Variants in PHKB observed in about 807,000 individuals in gnomAD.
PHKB encodes the protein phosphorylase kinase regulatory subunit beta.
PHKB carries 122 observed loss-of-function variants against 152.1 expected under a neutral mutation model. The observed-to-expected ratio is 0.80, with a 90% confidence interval of 0.69 to 0.93. PHKB has a LOEUF of 0.93. PHKB is among the 40% of genes least tolerant of loss of function. The probability of loss-of-function intolerance (pLI) is 0.00; values close to 1 mark genes in which losing one functional copy is unlikely to be tolerated. For synonymous variants in PHKB, 436 were observed against 464.9 expected (o/e 0.94, Z 0.80); for missense variants, 1,304 against 1,328.4 (o/e 0.98, Z 0.29).
chr16:47,637,004 C>G (rs1425277767), intron 14 of PHKB, among the ~76,000 whole-genome samples: 1 of 152,186 alleles, frequency 6.6e-6, no homozygotes, highest in Non-Finnish European at 1.5e-5. Context: ...AACCACCAGA[C>G]TCAGCCAGAC....
Position 47,542,240 on chromosome 16 carries a change from G to A in PHKB, c.595-5193G>A, listed in dbSNP as rs187098887. On this transcript the variant is annotated intron_variant, in intron 6 of 30. Transcript: ENST00000323584. ...TGCGTATGGCTAGCCAGTTTTCCTA[G>A]TACCATTAAATAGGGAATCCTTTCC... Among the ~76,000 whole-genome samples the A allele has an allele frequency of 4.3e-3, 651 of 152,144 alleles. 3 individuals carry two copies. The highest frequency in any genetic ancestry group is 7.0e-3 in the Non-Finnish European group (475 of 67,968).
rs770144987 is a variant in PHKB at position 47,499,891 on chromosome 16, A to T, written c.302A>T (p.Tyr101Phe). The T allele has an allele frequency of 1.2e-6, 2 of 1,614,126 alleles. No homozygotes were observed. The highest frequency in any genetic ancestry group is 1.7e-6 in the Non-Finnish European group (2 of 1,180,014). ...GGGGCCTGGGCTTTGGCTCTTGCATACAGGTGAGCTGGTGTGTGTTCTCCT... is the reference window on the plus strand; with the variant it reads ...GGGGCCTGGGCTTTGGCTCTTGCATTCAGGTGAGCTGGTGTGTGTTCTCCT... ...AAGAWALALA[Y>F]RRIDDDKGRT... Residue 101 changes from tyrosine to phenylalanine, a missense_variant, in exon 3 of 31, where the codon TAC becomes TTC. By Grantham distance (22) the Tyr-to-Phe change is conservative. Transcript: ENST00000323584.
chr16:47,692,889 T>C (rs934307013), intron 27 of PHKB, among the ~76,000 whole-genome samples: 18 of 152,320 alleles, frequency 1.2e-4, no homozygotes, highest in African/African-American at 4.3e-4. Context: ...AATTTTATTC[T>C]ATATAAAATG....
At chr16:47,629,842 C>T (rs1044333303) in intron 14 of PHKB, among the ~76,000 whole-genome samples, 3 of 152,158 alleles carry the variant, frequency 2.0e-5, no homozygotes, top group Admixed American at 6.5e-5. Flanking sequence ...TACTATGCAG[C>T]CATAAAAAAT....
chr16:47,631,905 T>A (rs1972834663), intron 14 of PHKB, among the ~76,000 whole-genome samples: 1 of 152,230 alleles, frequency 6.6e-6, no homozygotes, highest in South Asian at 2.1e-4. Flanking sequence ...TGGTTGCTAT[T>A]GTGAACAGTG....
intron 26 of PHKB, chr16:47,675,820 C>T (rs1198620057): frequency 6.6e-6 from 1 of 152,246 alleles, no homozygotes; most frequent in Non-Finnish European, 1.5e-5. Context: ...CCCTTCAGAC[C>T]TACGCCCACA....
chr16:47,635,774 T>C (rs1972908492), intron 14 of PHKB, among the ~76,000 whole-genome samples: 1 of 152,264 alleles, frequency 6.6e-6, no homozygotes, highest in Non-Finnish European at 1.5e-5. Flanking sequence ...GTCTGAATTC[T>C]AGCTCCGCTA....
rs750832612 is a variant in PHKB, at chr16:47,671,324, A to G, written c.2630+1907A>G. On this transcript the variant is annotated intron_variant, in intron 26 of 30. Transcript: ENST00000323584. ...GTATTTATTAATATACTCTGAGAGC[A>G]TCTTATAAGAAGCATGTAACATAAA... Among the ~76,000 whole-genome samples, 175 of 152,314 alleles carry G rather than the reference A, an allele frequency of 1.1e-3. 1 individual carries two copies. Among genetic ancestry groups the G allele is most frequent in the Non-Finnish European group, 1.6e-3 (111 of 68,024 alleles).
In PHKB at chr16:47,545,403, G is replaced by A. The variant is rs539957767; in HGVS notation, c.595-2030G>A. On this transcript the variant is annotated intron_variant, in intron 6 of 30. Transcript: ENST00000323584. ...CTGGGTTGAAAATTCTTTTCTTTAC[G>A]AATGGCGAATATTGGCCCCCACTCT... is the stretch of plus-strand genomic sequence containing the variant. 1.2e-4 allele frequency among the ~76,000 whole-genome samples: 19 copies of A among 152,218 alleles called. No individual in the cohort carries two copies. The East Asian group carries it at 1.4e-3, about 11-fold the overall frequency.
chr16:47,578,078 C>A (rs1368274449), intron 7 of PHKB, among the ~76,000 whole-genome samples: 2 of 152,096 alleles, frequency 1.3e-5, no homozygotes, highest in Non-Finnish European at 2.9e-5. Context: ...TTTGTTTATT[C>A]TTTCCTCTGT....
chr16:47,647,521 G>A (rs1973217), intron 16 of PHKB, among the ~76,000 whole-genome samples: 15,516 of 148,544 alleles, frequency 0.1, 1,645 homozygotes, highest in African/African-American at 0.28. Context: ...TTTTTGAGAC[G>A]GAGTCTCGCT....
At chr16:47,659,044 TATC>T (rs1244404153) in intron 20 of PHKB, among the ~76,000 whole-genome samples, 2 of 152,220 alleles carry the variant, frequency 1.3e-5, no homozygotes, top group African/African-American at 2.4e-5. Context: ...TATTAGGAAA[TATC>T]ATTCAATGAA....
At chr16:47,617,337 A>G (rs1972537185) in intron 14 of PHKB, among the ~76,000 whole-genome samples, 1 of 151,284 alleles carries the variant, frequency 6.6e-6, no homozygotes, top group South Asian at 2.1e-4. Context: ...AGTCAGTGGC[A>G]ATAAGTACAT....
At chr16:47,568,040 G>T (rs559958286) in intron 7 of PHKB, among the ~76,000 whole-genome samples, 1 of 152,218 alleles carries the variant, frequency 6.6e-6, no homozygotes, top group African/African-American at 2.4e-5. Flanking sequence ...TGGTATCAGG[G>T]TGATACCGAC....
intron 14 of PHKB, among the ~76,000 whole-genome samples, chr16:47,618,930 G>A (rs1315522119): frequency 1.3e-5 from 2 of 152,288 alleles, no homozygotes; most frequent in East Asian, 1.9e-4. Context: ...GGTCCTGAGA[G>A]TAGAGAATGT....
At chr16:47,673,693 C>T (rs1291168401) in intron 26 of PHKB, among the ~76,000 whole-genome samples, 2 of 152,144 alleles carry the variant, frequency 1.3e-5, no homozygotes, top group Admixed American at 1.3e-4. Flanking sequence ...CAAAAGATCA[C>T]TCTAGTAAAC....
intron 26 of PHKB, among the ~76,000 whole-genome samples, chr16:47,681,736 T>C (rs1039193867): frequency 5.3e-5 from 8 of 152,214 alleles, no homozygotes; most frequent in Non-Finnish European, 1.2e-4. Context: ...TTTGCCAGTC[T>C]GTGTCTTTTA....
intron 7 of PHKB, chr16:47,565,979 C>A: frequency 1.3e-6 from 1 of 798,474 alleles, no homozygotes; most frequent in South Asian, 1.7e-5. Flanking sequence ...CTCTGGAGCT[C>A]TATGACCGAT....
At chr16:47,515,622 C>A (rs754399326) in intron 6 of PHKB, 21 bp downstream of exon 6, 2 of 996,438 alleles carry the variant, frequency 2.0e-6, no homozygotes, top group South Asian at 1.3e-5. Flanking sequence ...CCCAAATTTT[C>A]TATTACTAAA....
Sources: gnomAD v4.1 joint callset for allele counts (sites outside exome capture counted in the v4.1 genomes callset) on GRCh38, gnomAD v4.1.1 for gene constraint, MANE v1.5 for transcripts, NCBI Gene and HGNC (gene_info 2026-07-23, HGNC 2026-07-21) for gene names.